RAVER2: variants seen among roughly 807,000 people sequenced by gnomAD.
RAVER2 encodes ribonucleoprotein PTB-binding 2.
A neutral mutation model predicts 78.1 loss-of-function variants in RAVER2; 46 were observed. That is an observed-to-expected ratio of 0.59 (90% CI 0.46 to 0.75). The LOEUF is 0.75. Among genes scored for constraint, RAVER2 ranks in the 30% least tolerant of loss-of-function variants. The pLI is 0.00. For synonymous variants in RAVER2, 311 were observed against 313.3 expected, an observed-to-expected ratio of 0.99 and a Z score of 0.08; for missense variants, 793 against 837.5, an observed-to-expected ratio of 0.95 and a Z score of 0.66.
chr1:64,818,880 A>G (rs912533278), intron 11 of RAVER2, among the ~76,000 whole-genome samples: 7 of 152,150 alleles, frequency 4.6e-5, no homozygotes, highest in Non-Finnish European at 1.0e-4. Context: ...CTGGCCCCTA[A>G]ACTGTGTTTG....
At chr1:64,778,849 C>T (rs183934676) in intron 3 of RAVER2, among the ~76,000 whole-genome samples, 47 of 149,346 alleles carry the variant, frequency 3.1e-4, no homozygotes, top group African/African-American at 1.1e-3. Context: ...TTTCCTCTTA[C>T]CTCTGTTGTT....
intron 6 of RAVER2, among the ~76,000 whole-genome samples, chr1:64,804,203 C>A (rs534265366): frequency 6.6e-6 from 1 of 152,164 alleles, no homozygotes; most frequent in Non-Finnish European, 1.5e-5. Context: ...TTAGTTCCTC[C>A]AAGAAACCTT....
chr1:64,779,332 T>TCAC (rs942558692), intron 3 of RAVER2, among the ~76,000 whole-genome samples: 1 of 152,074 alleles, frequency 6.6e-6, no homozygotes, highest in African/African-American at 2.4e-5. Context: ...TTCTTTGAGA[T>TCAC]CACCTTTTTA....
At chr1:64,805,729 G>A (rs1343222815) in intron 8 of RAVER2, among the ~76,000 whole-genome samples, 2 of 151,914 alleles carry the variant, frequency 1.3e-5, no homozygotes, top group Non-Finnish European at 2.9e-5. Flanking sequence ...AAAAACAGAA[G>A]GGCCACCAAT....
At chr1:64,828,495 A>T (rs1476581453) in intron 11 of RAVER2, among the ~76,000 whole-genome samples, 1 of 152,062 alleles carries the variant, frequency 6.6e-6, no homozygotes, top group Non-Finnish European at 1.5e-5. Context: ...CTTATGTAGG[A>T]ATTTATTTCT....
chr1:64,812,697 A>G (rs377754905), intron 9 of RAVER2, 41 bp from the exon 10 acceptor site: 116 of 1,296,254 alleles, frequency 8.9e-5, no homozygotes, highest in Middle Eastern at 5.5e-4. Flanking sequence ...ATTTTCGTGT[A>G]CCTCTCATTA....
intron 9 of RAVER2, among the ~76,000 whole-genome samples, chr1:64,808,193 T>C (rs1287693634): frequency 6.6e-6 from 1 of 152,168 alleles, no homozygotes; most frequent in Non-Finnish European, 1.5e-5. Flanking sequence ...ATACCACTGA[T>C]ATTTATAAAT....
chr1:64,769,292 G>A (rs1215141819), intron 2 of RAVER2, among the ~76,000 whole-genome samples: 1 of 151,900 alleles, frequency 6.6e-6, no homozygotes, highest in Non-Finnish European at 1.5e-5. Flanking sequence ...CCCTCATGTA[G>A]ATCTGTTGAA....
chr1:64,754,253 TTC>T (rs1184777270), intron 1 of RAVER2, among the ~76,000 whole-genome samples: 1 of 152,176 alleles, frequency 6.6e-6, no homozygotes, highest in Non-Finnish European at 1.5e-5. Flanking sequence ...GGAGAACCAA[TTC>T]TGTTTGATTC....
intron 2 of RAVER2, 64 bp from the exon 3 acceptor site, chr1:64,777,559 A>T: frequency 1.5e-6 from 2 of 1,338,382 alleles, no homozygotes; most frequent in Non-Finnish European, 2.1e-6. Flanking sequence ...CAGAAGTAAG[A>T]TATATTTCTT....
intron 11 of RAVER2, among the ~76,000 whole-genome samples, chr1:64,823,999 G>T (rs1309239472): frequency 1.3e-5 from 2 of 152,004 alleles, no homozygotes; most frequent in Non-Finnish European, 2.9e-5. Context: ...TAGAGACAGG[G>T]TTTCACCACA....
chr1:64,760,236 T>C (rs1216322875), intron 1 of RAVER2, among the ~76,000 whole-genome samples: 4 of 151,956 alleles, frequency 2.6e-5, no homozygotes, highest in African/African-American at 7.3e-5. Context: ...CTGAGAAATA[T>C]AGTTGTTATT....
chr1:64,747,309 C>G (rs1651566675), intron 1 of RAVER2, among the ~76,000 whole-genome samples: 1 of 152,120 alleles, frequency 6.6e-6, no homozygotes, highest in Admixed American at 6.5e-5. Context: ...TGTCAACTTA[C>G]TGATGAAAGT....
At chr1:64,752,273 A>C (rs558419835) in intron 1 of RAVER2, among the ~76,000 whole-genome samples, 133 of 152,216 alleles carry the variant, frequency 8.7e-4, no homozygotes, top group African/African-American at 3.1e-3. Context: ...GCATTTATTC[A>C]CCCAGCATTT....
chr1:64,810,400 G>A (rs1479257337), intron 9 of RAVER2, among the ~76,000 whole-genome samples: 2 of 152,192 alleles, frequency 1.3e-5, no homozygotes, highest in Non-Finnish European at 2.9e-5. Flanking sequence ...CTTTACAGAT[G>A]ACCATCTTTC....
chr1:64,802,381 C>T (rs1001984248), intron 5 of RAVER2, among the ~76,000 whole-genome samples: 7 of 152,134 alleles, frequency 4.6e-5, no homozygotes, highest in Non-Finnish European at 8.8e-5. Context: ...CACCTGCTCC[C>T]TTTTGTAAGT....
At position 64,821,472 on chromosome 1, in the gene RAVER2, T is replaced by C. The variant is rs148969432; in HGVS notation, c.1929+6632T>C. ...TTGTCATGAAATCTTTGCCCGTTCCTATGTCCAAGGAACCATATTGCACTA... is the reference window on the plus strand; with the variant it reads ...TTGTCATGAAATCTTTGCCCGTTCCCATGTCCAAGGAACCATATTGCACTA... On this transcript the variant is annotated intron_variant, in intron 11 of 11. Transcript: ENST00000294428. 4.4e-3 allele frequency among the ~76,000 whole-genome samples: 670 copies of C among 152,316 alleles called. 10 individuals are homozygous for C. Among genetic ancestry groups the C allele is most frequent in the African/African-American group, 0.015 (642 of 41,564 alleles).
At chr1:64,754,393 A>G (rs747952826) in intron 1 of RAVER2, among the ~76,000 whole-genome samples, 1 of 152,216 alleles carries the variant, frequency 6.6e-6, no homozygotes, top group East Asian at 1.9e-4. Flanking sequence ...CTAGAAACTG[A>G]CACATTGTTT....
At chr1:64,765,422 C>G (rs540989769) in intron 1 of RAVER2, among the ~76,000 whole-genome samples, 70 of 152,216 alleles carry the variant, frequency 4.6e-4, no homozygotes, top group Middle Eastern at 3.4e-3. Flanking sequence ...GCATAGCAAA[C>G]AGCAGTGAAT....
Sources: gnomAD v4.1 joint callset for allele counts (sites outside exome capture counted in the v4.1 genomes callset) on GRCh38, gnomAD v4.1.1 for gene constraint, MANE v1.5 for transcripts, NCBI Gene and HGNC (gene_info 2026-07-23, HGNC 2026-07-21) for gene names.